LMNTD1: variants seen among roughly 807,000 people sequenced by gnomAD.
The protein encoded by LMNTD1 is lamin tail domain containing 1, also known as lamin tail domain-containing protein 1.
A neutral mutation model predicts 50.9 loss-of-function variants in LMNTD1; 35 were observed. The observed-to-expected ratio is 0.69, with a 90% CI of 0.53 to 0.91. The LOEUF (loss-of-function observed/expected upper bound fraction) is 0.91. Among genes scored for constraint, LMNTD1 ranks in the 40% least tolerant of loss-of-function variants. The pLI is 0.00. For synonymous variants in LMNTD1, 153 were observed against 161.9 expected (o/e 0.94, Z 0.42); for missense variants, 470 against 475.5 (o/e 0.99, Z 0.11).
intron 1 of LMNTD1, among the ~76,000 whole-genome samples, chr12:25,575,411 A>G (rs12809109): frequency 0.17 from 25,391 of 152,114 alleles, 2,536 homozygotes; most frequent in East Asian, 0.35. Context: ...ACTGTTGGAA[A>G]TAAATGCTTC....
rs776885763 is a variant in LMNTD1, at chr12:25,503,735, T to A, written c.*22+3A>T. On this transcript the variant is annotated splice_donor_region_variant and intron_variant, in intron 9 of 9. Transcript: ENST00000458174. The stretch of plus-strand genomic sequence containing the variant: ...AAAGCAAATTTGCAATACAGTTACT[T>A]ACCTTTAAAGGTTGAGTTGACTGCT... 6.6e-6 allele frequency: 10 copies of A among 1,522,674 alleles called. No individual in the cohort carries two copies. The highest frequency in any genetic ancestry group is 7.2e-6 in the Non-Finnish European group (8 of 1,105,736). The allele number at this position is 1,522,674 out of a possible 1,614,324, so 94.3% of individuals were successfully genotyped here.
intron 8 of LMNTD1, among the ~76,000 whole-genome samples, chr12:25,518,362 G>A (rs1022699992): frequency 2.6e-5 from 4 of 152,154 alleles, no homozygotes; most frequent in African/African-American, 9.7e-5. Context: ...GCTTTATTTA[G>A]AGGACTTAAG....
chr12:25,532,069 A>G (rs1488996062), intron 4 of LMNTD1, among the ~76,000 whole-genome samples: 3 of 149,042 alleles, frequency 2.0e-5, no homozygotes, highest in African/African-American at 4.8e-5. Flanking sequence ...CCTGGTCAGA[A>G]GACTACAATG....
In LMNTD1 at chr12:25,476,346, T is replaced by C. The variant is rs923082094; in HGVS notation, c.*137A>G. ...ACAAATTTTGGATCCTTTTTCCATA[T>C]AGAAATGTGATGTCTTCACCCTCTC... On this transcript the variant is annotated 3_prime_UTR_variant, in exon 10 of 10. Coordinates refer to ENST00000458174, the MANE Select transcript of LMNTD1 (RefSeq NM_001145728.2). 1.3e-5 allele frequency: 2 copies of C among 152,194 alleles called. No individual in the cohort carries two copies. The highest frequency in any genetic ancestry group is 4.8e-5 in the African/African-American group (2 of 41,454). 9.4% of individuals were successfully genotyped at this position (152,194 alleles called of 1,614,324 possible). A position where few individuals can be genotyped will look rare whatever the true frequency, so the allele number is the denominator to read the frequency against.
At chr12:25,634,233 G>A (rs1946778285) in intron 1 of LMNTD1, among the ~76,000 whole-genome samples, 1 of 152,132 alleles carries the variant, frequency 6.6e-6, no homozygotes, top group South Asian at 2.1e-4. Flanking sequence ...TGGATTCGCA[G>A]CAGAATTCTA....
chr12:25,644,135 A>G lies in LMNTD1; in HGVS notation c.58+4359T>C, dbSNP rs143918047. Among the ~76,000 whole-genome samples the G allele has an allele frequency of 2.9e-3, 445 of 152,094 alleles. 2 individuals carry two copies. The highest frequency in any genetic ancestry group is 0.01 in the African/African-American group (428 of 41,488). On this transcript the variant is annotated intron_variant, in intron 1 of 7. Coordinates refer to the LMNTD1 transcript ENST00000445693. ...AGAAGTGCACATAGGATCTAGCAAT[A>G]TTAAGATTGTGGTGGCCTTGACAGA...
intron 1 of LMNTD1, among the ~76,000 whole-genome samples, chr12:25,619,162 C>T (rs1946407899): frequency 6.6e-6 from 1 of 151,368 alleles, no homozygotes; most frequent in South Asian, 2.1e-4. Flanking sequence ...ACAGGAGTTT[C>T]TCTAGAATAT....
chr12:25,527,688 A>C (rs1452373648), intron 4 of LMNTD1, among the ~76,000 whole-genome samples: 2 of 26,984 alleles, frequency 7.4e-5, no homozygotes, highest in Admixed American at 4.4e-4. Flanking sequence ...ATATACACAC[A>C]CACACACACA....
At chr12:25,554,306 A>C (rs146994749), upstream of LMNTD1, among the ~76,000 whole-genome samples, 224 of 152,356 alleles carry the variant, frequency 1.5e-3, no homozygotes, top group African/African-American at 5.3e-3. Context: ...CTTGAACTGC[A>C]TATATTAGCA....
intron 1 of LMNTD1, among the ~76,000 whole-genome samples, chr12:25,589,037 G>A (rs1001050702): frequency 2.0e-5 from 3 of 152,072 alleles, no homozygotes; most frequent in African/African-American, 7.2e-5. Context: ...GCTAGAAACC[G>A]AATTAGAAAA....
chr12:25,556,450 T>TA (rs1456914439), upstream of LMNTD1, among the ~76,000 whole-genome samples: 17 of 152,298 alleles, frequency 1.1e-4, no homozygotes, highest in Admixed American at 1.0e-3. Context: ...CTCACTGTAC[T>TA]TGCTGTTTCT....
At position 25,500,713 on chromosome 12, in the gene LMNTD1, G is replaced by A. The variant is rs74661751; in HGVS notation, c.*22+3025C>T. 5.6e-3 allele frequency among the ~76,000 whole-genome samples: 850 copies of A among 152,100 alleles called. 10 individuals carry two copies. Among genetic ancestry groups the A allele is most frequent in the South Asian group, 7.9e-3 (38 of 4,816 alleles). On this transcript the variant is annotated intron_variant, in intron 9 of 9. Transcript: ENST00000458174. ...TCCTAGCAAGTCTAAACGTTCACAC[G>A]ACAGGTGGCAGCCACACAGGAAAAT...
chr12:25,483,996 G>A (rs1162270109), intron 9 of LMNTD1, among the ~76,000 whole-genome samples: 4 of 151,808 alleles, frequency 2.6e-5, no homozygotes, highest in Non-Finnish European at 4.4e-5. Context: ...GCCAAAAAGC[G>A]ATTAACCTCA....
intron 1 of LMNTD1, among the ~76,000 whole-genome samples, chr12:25,625,571 GC>G (rs1300606554): frequency 6.6e-6 from 1 of 152,152 alleles, no homozygotes; most frequent in Non-Finnish European, 1.5e-5. Context: ...AACCTTCCAT[GC>G]CTTCTCCAAT....
chr12:25,627,912 A>G (rs1260364926), intron 1 of LMNTD1, among the ~76,000 whole-genome samples: 1 of 151,792 alleles, frequency 6.6e-6, no homozygotes. Context: ...GATCGAGACC[A>G]TCCTGGCTAA....
At chr12:25,618,649 G>A (rs1304888334) in intron 1 of LMNTD1, among the ~76,000 whole-genome samples, 2 of 152,088 alleles carry the variant, frequency 1.3e-5, no homozygotes, top group Admixed American at 6.5e-5. Flanking sequence ...CATAGGAATC[G>A]GAGAAGCCAA....
chr12:25,565,938 T>C (rs1033161812), intron 1 of LMNTD1, among the ~76,000 whole-genome samples: 4 of 152,226 alleles, frequency 2.6e-5, no homozygotes, highest in Non-Finnish European at 5.9e-5. Context: ...TGGCCTGTAA[T>C]GTTTCCACTG....
At chr12:25,557,086 A>G (rs964413084), upstream of LMNTD1, among the ~76,000 whole-genome samples, 34 of 152,244 alleles carry the variant, frequency 2.2e-4, no homozygotes, top group African/African-American at 7.7e-4. Context: ...ATACAATTGT[A>G]GGAATTCAAT....
intron 1 of LMNTD1, among the ~76,000 whole-genome samples, chr12:25,558,824 G>A (rs1944150839): frequency 6.6e-6 from 1 of 152,278 alleles, no homozygotes; most frequent in Middle Eastern, 3.4e-3. Flanking sequence ...CCACCTCCAT[G>A]ATTCAATTAC....
Sources: allele counts gnomAD v4.1 joint callset (sites outside exome capture counted in the v4.1 genomes callset), GRCh38; gene constraint gnomAD v4.1.1; transcripts MANE v1.5; gene names NCBI Gene and HGNC (gene_info 2026-07-23, HGNC 2026-07-21).